ZBTB7C: variants seen among roughly 807,000 people sequenced by gnomAD.
ZBTB7C encodes zinc finger and BTB domain containing 7C.
In ZBTB7C, 8 loss-of-function variants were observed where a neutral mutation model predicts 25.7. The observed-to-expected ratio is 0.31, with a 90% confidence interval of 0.18 to 0.56. The LOEUF is 0.56. Among genes scored for constraint, ZBTB7C ranks in the 20% least tolerant of loss-of-function variants. The pLI is 0.91. For missense variants in ZBTB7C, 824 were observed against 855.2 expected (o/e 0.96, Z 0.46); for synonymous variants, 394 against 369.0 (o/e 1.07, Z -0.78).
chr18:48,064,057 G>T (rs1370871775), intron 3 of ZBTB7C, among the ~76,000 whole-genome samples: 1 of 152,174 alleles, frequency 6.6e-6, no homozygotes, highest in East Asian at 1.9e-4. Context: ...ATATGGCCAT[G>T]AAGAATGAGA....
At chr18:48,318,731 C>T (rs980937044) in intron 2 of ZBTB7C, among the ~76,000 whole-genome samples, 4 of 152,186 alleles carry the variant, frequency 2.6e-5, no homozygotes, top group South Asian at 2.1e-4. Flanking sequence ...CCTCAGGCTC[C>T]GCACCACTTT....
chr18:48,215,215 G>T (rs2042794437), intron 2 of ZBTB7C, among the ~76,000 whole-genome samples: 1 of 152,150 alleles, frequency 6.6e-6, no homozygotes, highest in Admixed American at 6.5e-5. Context: ...GAAGCCAACG[G>T]TCCACTTGGG....
intron 2 of ZBTB7C, among the ~76,000 whole-genome samples, chr18:48,194,121 A>G (rs11082660): frequency 0.31 from 47,798 of 152,194 alleles, 7,671 homozygotes; most frequent in East Asian, 0.55. Flanking sequence ...TGGGCCAAGG[A>G]AGGGGAGGGC....
At chr18:48,053,846 G>C (rs1298974284) in intron 3 of ZBTB7C, among the ~76,000 whole-genome samples, 1 of 152,214 alleles carries the variant, frequency 6.6e-6, no homozygotes, top group Admixed American at 6.5e-5. Flanking sequence ...GGGTGCCTGG[G>C]GTCAGAGGAC....
intron 2 of ZBTB7C, among the ~76,000 whole-genome samples, chr18:48,247,618 G>A (rs1005525456): frequency 6.6e-6 from 1 of 152,082 alleles, no homozygotes; most frequent in Non-Finnish European, 1.5e-5. Context: ...CAAACACATG[G>A]CTTTCCCTGT....
intron 3 of ZBTB7C, among the ~76,000 whole-genome samples, chr18:48,169,285 T>C (rs1343542683): frequency 6.6e-6 from 1 of 152,190 alleles, no homozygotes; most frequent in East Asian, 1.9e-4. Flanking sequence ...TGCCTTACCA[T>C]TGTCCTTACC....
chr18:48,073,852 C>T (rs896292524), intron 3 of ZBTB7C, among the ~76,000 whole-genome samples: 33 of 152,248 alleles, frequency 2.2e-4, no homozygotes, highest in African/African-American at 7.5e-4. Flanking sequence ...ATCCTCTCTC[C>T]TCAGTTCTCC....
chr18:48,306,839 C>A (rs992705933), intron 2 of ZBTB7C, among the ~76,000 whole-genome samples: 3 of 152,270 alleles, frequency 2.0e-5, no homozygotes, highest in Non-Finnish European at 2.9e-5. Flanking sequence ...TAAAACCCAA[C>A]AAGAATTATC....
chr18:48,035,453 T>C (rs1181551954), intron 4 of ZBTB7C, among the ~76,000 whole-genome samples: 1 of 152,208 alleles, frequency 6.6e-6, no homozygotes, highest in Non-Finnish European at 1.5e-5. Flanking sequence ...CCATGCTCTC[T>C]AGGAGCTACT....
chr18:48,394,672 T>C (rs1342190912), intron 1 of ZBTB7C, among the ~76,000 whole-genome samples: 2 of 152,166 alleles, frequency 1.3e-5, no homozygotes, highest in African/African-American at 4.8e-5. Flanking sequence ...TGTGCGTATG[T>C]GTGTAAAAAT....
At chr18:48,345,755 G>A (rs759872196) in intron 1 of ZBTB7C, among the ~76,000 whole-genome samples, 5 of 152,212 alleles carry the variant, frequency 3.3e-5, no homozygotes, top group African/African-American at 9.6e-5. Flanking sequence ...GCAGTGTCTG[G>A]CCCCAGCCCT....
At chr18:48,378,071 A>T (rs1486270225) in intron 1 of ZBTB7C, among the ~76,000 whole-genome samples, 1 of 152,150 alleles carries the variant, frequency 6.6e-6, no homozygotes, top group Non-Finnish European at 1.5e-5. Context: ...GAATCACTTG[A>T]ACCCGGGAGG....
rs2036151551 is a variant in ZBTB7C at position 48,040,081 on chromosome 18, G to C, written c.1027C>G (p.Leu343Val). 1.9e-6 allele frequency: 3 copies of C among 1,612,070 alleles called. No individual in the cohort carries two copies. The East Asian group carries it at 6.7e-5, about 36-fold the overall frequency. The change falls in exon 4 of 5, where the codon CTG becomes GTG. Residue 343 changes from leucine to valine, a missense_variant. Transcript: ENST00000590800. ...AYLNFLSATH[L>V]GGLFPPWPLV... The stretch of plus-strand genomic sequence containing the variant: ...GGCCAGGGTGGGAAGAGGCCTCCCA[G>C]GTGGGTGGCACTCAGGAAGTTGAGA...
chr18:48,080,453 A>G (rs80257183), intron 3 of ZBTB7C, among the ~76,000 whole-genome samples: 3,072 of 152,310 alleles, frequency 0.02, 91 homozygotes, highest in African/African-American at 0.065. Context: ...GCCACAAACA[A>G]TGCTCTAATT....
At position 48,167,195 on chromosome 18, in the gene ZBTB7C, C is replaced by T. The variant is rs532541914; in HGVS notation, c.-17+18739G>A. 1.2e-4 allele frequency among the ~76,000 whole-genome samples: 18 copies of T among 152,306 alleles called. No homozygotes were observed. The South Asian group carries it at 3.5e-3, about 30-fold the overall frequency. On this transcript the variant is annotated intron_variant, in intron 3 of 4. Transcript: ENST00000590800. ...CACTCCTGAATCTCCACTTTGAAAGCTTTCCACGGACAAGTGATCTCTCAC... is the reference window on the plus strand; with the variant it reads ...CACTCCTGAATCTCCACTTTGAAAGTTTTCCACGGACAAGTGATCTCTCAC...
intron 1 of ZBTB7C, among the ~76,000 whole-genome samples, chr18:48,365,481 C>T (rs2047201876): frequency 6.6e-6 from 1 of 152,216 alleles, no homozygotes; most frequent in African/African-American, 2.4e-5. Context: ...ACTACAGACT[C>T]TCTATCTCCC....
chr18:48,191,880 G>T (rs570293126), intron 2 of ZBTB7C, among the ~76,000 whole-genome samples: 3 of 152,338 alleles, frequency 2.0e-5, no homozygotes, highest in South Asian at 4.1e-4. Context: ...GAGGAAGACA[G>T]TTTGGCAGTT....
chr18:48,395,122 C>G (rs777104406), intron 1 of ZBTB7C, among the ~76,000 whole-genome samples: 1 of 151,914 alleles, frequency 6.6e-6, no homozygotes, highest in Admixed American at 6.6e-5. Context: ...AACAAAGGGT[C>G]TGGGGGCTAT....
chr18:48,270,689 C>CAA (rs35344797), intron 2 of ZBTB7C, among the ~76,000 whole-genome samples: 102 of 88,252 alleles, frequency 1.2e-3, no homozygotes, highest in African/African-American at 4.0e-3. Context: ...GACTCTGTCT[C>CAA]AAAAAAAAAA....
Sources: allele counts gnomAD v4.1 joint callset (sites outside exome capture counted in the v4.1 genomes callset), GRCh38; gene constraint gnomAD v4.1.1; transcripts MANE v1.5; gene names NCBI Gene and HGNC (gene_info 2026-07-23, HGNC 2026-07-21).